Variants in DNMT3A observed in about 807,000 individuals in gnomAD.
The protein encoded by DNMT3A is DNA (cytosine-5)-methyltransferase 3A.
A neutral mutation model predicts 117.6 loss-of-function variants in DNMT3A; 267 were observed. The observed-to-expected ratio is 2.27, with a 90% CI of 2.05 to 2.51. DNMT3A has a LOEUF of 2.51. Among genes scored for constraint, DNMT3A ranks in the 30% most tolerant of loss-of-function variants. The pLI is 0.00. For missense variants in DNMT3A, 1,029 were observed against 1,260.2 expected (o/e 0.82, Z 2.78); for synonymous variants, 432 against 474.8 (o/e 0.91, Z 1.17).
At chr2:25,277,402 G>A (rs1263333177) in intron 4 of DNMT3A, among the ~76,000 whole-genome samples, 1 of 152,130 alleles carries the variant, frequency 6.6e-6, no homozygotes, top group Non-Finnish European at 1.5e-5. Context: ...GCTCCCAGCA[G>A]GGGGCGCCTG....
intron 22 of DNMT3A, among the ~76,000 whole-genome samples, chr2:25,235,160 C>T (rs987852140): frequency 6.6e-6 from 1 of 151,200 alleles, no homozygotes; most frequent in African/African-American, 2.4e-5. Context: ...GGAGACAAGG[C>T]AGCAGGGGAT....
At chr2:25,314,944 A>G (rs1342811587) in intron 1 of DNMT3A, among the ~76,000 whole-genome samples, 2 of 152,324 alleles carry the variant, frequency 1.3e-5, no homozygotes, top group East Asian at 3.9e-4. Context: ...CAAAGCCTGC[A>G]GCTCAGGCCA....
intron 19 of DNMT3A, 166 bp from the exon 20 acceptor site, chr2:25,239,381 C>A: frequency 1.5e-6 from 1 of 676,214 alleles, no homozygotes; most frequent in Non-Finnish European, 2.8e-6. Context: ...TTACACCTAG[C>A]CACATTCCAC....
chr2:25,272,803 C>CTTTTTTTTTTTTTTTTTTTTT (rs1217338234), intron 6 of DNMT3A, among the ~76,000 whole-genome samples: 2 of 130,694 alleles, frequency 1.5e-5, no homozygotes, highest in African/African-American at 5.6e-5. Flanking sequence ...TGCACTTTCT[C>CTTTTTTTTTTTTTTTTTTTTT]TTTTTTTTTT....
Position 25,339,908 on chromosome 2 carries a change from T to A in DNMT3A, c.-178+1918A>T, listed in dbSNP as rs866621350. ...GAGGAGGCGACACTGGAGCAGCACCTGATCCCAGGATCCCTTCGTAGCCGC... is the reference window on the plus strand; with the variant it reads ...GAGGAGGCGACACTGGAGCAGCACCAGATCCCAGGATCCCTTCGTAGCCGC... On this transcript the variant is annotated intron_variant, in intron 1 of 22. Coordinates refer to ENST00000321117, the MANE Select transcript of DNMT3A (RefSeq NM_022552.5). The surrounding 1 kb of genome is among the most constrained non-coding windows in gnomAD (Gnocchi z 4.9). Among the ~76,000 whole-genome samples, 4 of 150,164 alleles carry A rather than the reference T, an allele frequency of 2.7e-5. No individual in the cohort carries two copies. The South Asian group carries it at 8.5e-4, about 32-fold the overall frequency.
intron 2 of DNMT3A, among the ~76,000 whole-genome samples, chr2:25,313,243 C>T (rs2034211530): frequency 6.6e-6 from 1 of 152,076 alleles, no homozygotes; most frequent in African/African-American, 2.4e-5. Context: ...ACCTGGAGTT[C>T]AGCAGAAGGG....
intron 6 of DNMT3A, chr2:25,249,874 C>A (rs1334819670): frequency 2.2e-6 from 2 of 893,786 alleles, no homozygotes; most frequent in Non-Finnish European, 3.5e-6. Flanking sequence ...TTTCTACATG[C>A]CTTTCAAAAG....
intron 20 of DNMT3A, among the ~76,000 whole-genome samples, chr2:25,238,862 C>T (rs1673651385): frequency 6.6e-6 from 1 of 152,222 alleles, no homozygotes; most frequent in Non-Finnish European, 1.5e-5. Context: ...AACTACCTAA[C>T]TCAGCAGCAC....
chr2:25,316,539 C>A (rs531467768), intron 1 of DNMT3A, among the ~76,000 whole-genome samples: 5 of 152,326 alleles, frequency 3.3e-5, no homozygotes, highest in Middle Eastern at 3.4e-3. Flanking sequence ...CCATGTACTA[C>A]ACAACCCTAG....
At chr2:25,331,580 C>T (rs1019989883) in intron 1 of DNMT3A, among the ~76,000 whole-genome samples, 3 of 152,194 alleles carry the variant, frequency 2.0e-5, no homozygotes, top group African/African-American at 7.2e-5. Flanking sequence ...AGGGTCTAGG[C>T]CTTGCAGCTC....
intron 3 of DNMT3A, among the ~76,000 whole-genome samples, chr2:25,292,693 C>A (rs947853586): frequency 6.6e-6 from 1 of 152,160 alleles, no homozygotes; most frequent in Non-Finnish European, 1.5e-5. Context: ...GGCAGCCTTG[C>A]CTTCCCCTTG....
At chr2:25,341,376 G>C (rs1017316544) in intron 1 of DNMT3A, among the ~76,000 whole-genome samples, 2 of 145,414 alleles carry the variant, frequency 1.4e-5, no homozygotes, top group Non-Finnish European at 3.1e-5. Context: ...CCCTGGCCGC[G>C]GGCTCCAGGC....
chr2:25,336,390 AG>A (rs779831552), intron 1 of DNMT3A, among the ~76,000 whole-genome samples: 1 of 152,074 alleles, frequency 6.6e-6, no homozygotes, highest in Non-Finnish European at 1.5e-5. Flanking sequence ...GACCTCTGGG[AG>A]GCCAGAAAAG....
At position 25,254,742 on chromosome 2, in the gene DNMT3A, G is replaced by T. The variant is rs1675967702; in HGVS notation, c.640-6490C>A. On this transcript the variant is annotated intron_variant, in intron 6 of 22. Transcript: ENST00000321117. This position sits in a 1 kb window ranked among gnomAD's most constrained non-coding sequence, Gnocchi z 4.7. ...GGCCTCCTCTCAAAAGAAGTTTCTG[G>T]TTCTGGCTTGGTGGCCTTTTGCAGA... is the stretch of plus-strand genomic sequence containing the variant. Among the ~76,000 whole-genome samples the T allele has an allele frequency of 6.6e-6, 1 of 152,188 alleles. No homozygotes were observed. The highest frequency in any genetic ancestry group is 2.4e-5 in the African/African-American group (1 of 41,432).
chr2:25,330,419 G>GC (rs1325270367), intron 1 of DNMT3A, among the ~76,000 whole-genome samples: 2 of 152,066 alleles, frequency 1.3e-5, no homozygotes, highest in Non-Finnish European at 2.9e-5. Flanking sequence ...ATCAACAAGA[G>GC]CCCCGCTGCG....
chr2:25,328,694 C>T (rs761519349), intron 1 of DNMT3A: 5 of 520,494 alleles, frequency 9.6e-6, no homozygotes, highest in Non-Finnish European at 1.6e-5. Flanking sequence ...CACAGTGCTG[C>T]GGTGCCTAGA....
chr2:25,290,993 T>C (rs997365838), intron 3 of DNMT3A, among the ~76,000 whole-genome samples: 1 of 152,142 alleles, frequency 6.6e-6, no homozygotes, highest in Non-Finnish European at 1.5e-5. Flanking sequence ...CCGGGAACCC[T>C]GGCATCAGGC....
intron 2 of DNMT3A, among the ~76,000 whole-genome samples, chr2:25,300,755 AT>A (rs2033458552): frequency 1.3e-4 from 9 of 67,670 alleles, no homozygotes; most frequent in African/African-American, 3.6e-4. Flanking sequence ...ATATATATAT[AT>A]ATATATATAT....
At chr2:25,275,230 C>T in intron 5 of DNMT3A, 143 bp from the exon 6 acceptor site, 4 of 1,264,256 alleles carry the variant, frequency 3.2e-6, no homozygotes, top group Non-Finnish European at 3.2e-6. Context: ...CCCGTGTGGG[C>T]TGGAGGAGCG....
Sources: gnomAD v4.1 joint callset for allele counts (sites outside exome capture counted in the v4.1 genomes callset) on GRCh38, gnomAD v4.1.1 for gene constraint, Gnocchi (gnomAD v3.1) non-coding constraint, MANE v1.5 for transcripts, NCBI Gene and HGNC (gene_info 2026-07-23, HGNC 2026-07-21) for gene names.